WDR72: variants seen among roughly 807,000 people sequenced by gnomAD.
WDR72 encodes the protein WD repeat-containing protein 72.
A neutral mutation model predicts 124.2 loss-of-function variants in WDR72; 120 were observed. The ratio of observed to expected loss-of-function variants is 0.97; its 90% CI spans 0.83 to 1.12. The LOEUF (loss-of-function observed/expected upper bound fraction) is 1.12. Among genes scored for constraint, WDR72 ranks in the 50% most tolerant of loss-of-function variants. The pLI is 0.00. For synonymous variants in WDR72, 452 were observed against 441.7 expected (o/e 1.02, Z -0.29); for missense variants, 1,387 against 1,278.8 (o/e 1.08, Z -1.29).
chr15:53,579,000 G>A (rs2011773157), intron 18 of WDR72, among the ~76,000 whole-genome samples: 1 of 152,088 alleles, frequency 6.6e-6, no homozygotes, highest in Non-Finnish European at 1.5e-5. Flanking sequence ...CGTTGCAAGA[G>A]ATATAAGGCT....
chr15:53,683,795 A>T (rs564302771), intron 13 of WDR72, among the ~76,000 whole-genome samples: 42 of 152,212 alleles, frequency 2.8e-4, no homozygotes, highest in African/African-American at 1.0e-3. Flanking sequence ...CTGATTTTTT[A>T]AAAAGTATAC....
At chr15:53,591,685 AACACACACACACACACAC>A (rs67873847) in intron 18 of WDR72, among the ~76,000 whole-genome samples, 19,293 of 148,824 alleles carry the variant, frequency 0.13, 1,829 homozygotes, top group African/African-American at 0.27. Flanking sequence ...CAACACACAC[AACACACACACACACACAC>A]ACACACACAC....
chr15:53,734,272 A>C (rs1048492257), intron 1 of WDR72, among the ~76,000 whole-genome samples: 1 of 152,172 alleles, frequency 6.6e-6, no homozygotes, highest in African/African-American at 2.4e-5. Context: ...TTCACTTCTT[A>C]GGTCAATATG....
chr15:53,666,017 G>A (rs1414299741), intron 13 of WDR72, among the ~76,000 whole-genome samples: 1 of 152,158 alleles, frequency 6.6e-6, no homozygotes, highest in Non-Finnish European at 1.5e-5. Flanking sequence ...ATCAACAGGA[G>A]ATTCGATAGT....
rs565469465 is a variant in WDR72, at chr15:53,704,682, T to C, written c.1348+306A>G. Among the ~76,000 whole-genome samples, 14 of 129,014 alleles carry C rather than the reference T, an allele frequency of 1.1e-4. No individual in the cohort carries two copies. In the South Asian group the frequency reaches 2.6e-3, roughly 24 times the overall value. The allele number at this position is 129,014 out of a possible 152,430, so 84.6% of individuals were successfully genotyped here. On this transcript the variant is annotated intron_variant, in intron 11 of 19. Coordinates refer to ENST00000360509, the MANE Select transcript of WDR72 (RefSeq NM_182758.4). ...CTGGGACTACAGGTGCCCGCCACCA[T>C]GCCCAGCTTTTTTTTTTTTTTTTGT...
At chr15:53,695,452 G>A (rs2016974017) in intron 13 of WDR72, among the ~76,000 whole-genome samples, 1 of 152,182 alleles carries the variant, frequency 6.6e-6, no homozygotes, top group African/African-American at 2.4e-5. Flanking sequence ...CGACCAAGCC[G>A]CCCAGAGTTG....
intron 4 of WDR72, among the ~76,000 whole-genome samples, chr15:53,715,727 T>C (rs1419727830): frequency 6.6e-6 from 1 of 152,184 alleles, no homozygotes; most frequent in Non-Finnish European, 1.5e-5. Flanking sequence ...GAGGAGGCTA[T>C]GGTGGGAAGA....
chr15:53,717,120 G>C (rs941507182), intron 3 of WDR72, among the ~76,000 whole-genome samples: 3 of 152,088 alleles, frequency 2.0e-5, no homozygotes, highest in African/African-American at 7.2e-5. Context: ...GTGCCACCAA[G>C]AGGCTACATT....
At chr15:53,654,453 GATAAA>G (rs1222254952) in intron 14 of WDR72, among the ~76,000 whole-genome samples, 1 of 152,156 alleles carries the variant, frequency 6.6e-6, no homozygotes, top group African/African-American at 2.4e-5. Flanking sequence ...ACTGAAGTCT[GATAAA>G]ATATAATAAC....
chr15:53,611,400 A>T (rs1023777796), intron 16 of WDR72, among the ~76,000 whole-genome samples: 5 of 152,010 alleles, frequency 3.3e-5, no homozygotes. Flanking sequence ...GGCCTCCTTG[A>T]TTCTGGTTAG....
chr15:53,737,044 C>G (rs1186628858), intron 1 of WDR72, among the ~76,000 whole-genome samples: 7 of 140,010 alleles, frequency 5.0e-5, no homozygotes, highest in Admixed American at 3.6e-4. Flanking sequence ...CACACACACA[C>G]AGACTTGCCA....
At chr15:53,642,576 C>T (rs756142430) in intron 14 of WDR72, among the ~76,000 whole-genome samples, 4 of 151,886 alleles carry the variant, frequency 2.6e-5, no homozygotes, top group Non-Finnish European at 5.9e-5. Context: ...TGTCAGGTTC[C>T]TCTCTGTACT....
At chr15:53,650,460 GGT>G (rs1460810910) in intron 14 of WDR72, among the ~76,000 whole-genome samples, 1 of 152,136 alleles carries the variant, frequency 6.6e-6, no homozygotes, top group East Asian at 1.9e-4. Flanking sequence ...TTGAAGTCCA[GGT>G]TCAAAGACTT....
chr15:53,699,517 C>T (rs1168256765), intron 13 of WDR72, among the ~76,000 whole-genome samples: 3 of 152,012 alleles, frequency 2.0e-5, no homozygotes, highest in Admixed American at 6.6e-5. Flanking sequence ...CAGAAATATC[C>T]GGCTCATTCC....
At chr15:53,680,195 T>C (rs1410859194) in intron 13 of WDR72, among the ~76,000 whole-genome samples, 4 of 152,314 alleles carry the variant, frequency 2.6e-5, no homozygotes, top group Admixed American at 6.5e-5. Context: ...TCCTGCAATA[T>C]AGTATATTAA....
At chr15:53,585,539 C>T (rs2012160376) in intron 18 of WDR72, among the ~76,000 whole-genome samples, 1 of 151,960 alleles carries the variant, frequency 6.6e-6, no homozygotes, top group African/African-American at 2.4e-5. Flanking sequence ...CTGTGATGCC[C>T]CCATGCATAT....
chr15:53,676,780 T>TTTA, intron 13 of WDR72, among the ~76,000 whole-genome samples: 1 of 152,078 alleles, frequency 6.6e-6, no homozygotes, highest in Non-Finnish European at 1.5e-5. Context: ...GGTGTTGTTT[T>TTTA]GAGCTGCTAA....
chr15:53,743,319 C>T (rs1030362550), intron 1 of WDR72, among the ~76,000 whole-genome samples: 3 of 151,150 alleles, frequency 2.0e-5, no homozygotes, highest in South Asian at 2.1e-4. Context: ...TTATACATAA[C>T]GATGAAATAA....
intron 13 of WDR72, among the ~76,000 whole-genome samples, chr15:53,670,987 C>T (rs1004646291): frequency 2.0e-5 from 3 of 152,286 alleles, no homozygotes; most frequent in South Asian, 2.1e-4. Flanking sequence ...TCACAGGCTA[C>T]GTTACAATCA....
Sources: gnomAD v4.1 joint callset for allele counts (sites outside exome capture counted in the v4.1 genomes callset) on GRCh38, gnomAD v4.1.1 for gene constraint, MANE v1.5 for transcripts, NCBI Gene and HGNC (gene_info 2026-07-23, HGNC 2026-07-21) for gene names.